The following DGKH variants were observed in gnomAD, a reference collection of about 807,000 sequenced individuals.
DGKH encodes the protein DAG kinase eta.
DGKH carries 90 observed loss-of-function variants against 159.3 expected under a neutral mutation model. The ratio of observed to expected loss-of-function variants is 0.57; its 90% CI spans 0.48 to 0.67. The LOEUF (loss-of-function observed/expected upper bound fraction) is 0.67. Among genes scored for constraint, DGKH ranks in the 30% least tolerant of loss-of-function variants. DGKH has a pLI of 0.00. For missense variants in DGKH, 1,181 were observed against 1,506.1 expected (o/e 0.78, Z 3.57); for synonymous variants, 536 against 553.8 (o/e 0.97, Z 0.45).
intron 3 of DGKH, among the ~76,000 whole-genome samples, chr13:42,142,700 C>G (rs1955600037): frequency 6.6e-6 from 1 of 151,932 alleles, no homozygotes; most frequent in Non-Finnish European, 1.5e-5. Flanking sequence ...CTCTGTTTGT[C>G]TGTTATTGGT....
intron 1 of DGKH, among the ~76,000 whole-genome samples, chr13:42,078,909 CTTTTTT>C (rs55801562): frequency 5.3e-5 from 5 of 93,568 alleles, no homozygotes; most frequent in African/African-American, 1.5e-4. Flanking sequence ...GTATATTCTC[CTTTTTT>C]TTTTTTTTTT....
rs929468948 is a variant in DGKH at position 42,086,126 on chromosome 13, C to G, written c.192+37161C>G. Among the ~76,000 whole-genome samples the G allele has an allele frequency of 3.9e-5, 6 of 152,214 alleles. No homozygotes were observed. The Middle Eastern group carries it at 0.01, about 259-fold the overall frequency. ...AAAGATGGGGTTTCATCATGTTGTCCAGGCTGGGCTTGAACTCCTGACCTC... is the reference window on the plus strand; with the variant it reads ...AAAGATGGGGTTTCATCATGTTGTCGAGGCTGGGCTTGAACTCCTGACCTC... On this transcript the variant is annotated intron_variant, in intron 1 of 29. Coordinates refer to ENST00000337343, the MANE Select transcript of DGKH (RefSeq NM_178009.5).
At chr13:42,162,481 C>A (rs1456648704) in intron 7 of DGKH, among the ~76,000 whole-genome samples, 1 of 151,992 alleles carries the variant, frequency 6.6e-6, no homozygotes, top group African/African-American at 2.4e-5. Context: ...CCATTCCACT[C>A]CAGCCTGGGC....
intron 9 of DGKH, among the ~76,000 whole-genome samples, chr13:42,167,711 G>C (rs1956345838): frequency 6.6e-6 from 1 of 152,030 alleles, no homozygotes; most frequent in East Asian, 1.9e-4. Context: ...TGCCATGCTA[G>C]GGTAGTTTTG....
chr13:42,099,513 G>A (rs917309221), intron 1 of DGKH, among the ~76,000 whole-genome samples: 2 of 152,138 alleles, frequency 1.3e-5, no homozygotes, highest in African/African-American at 2.4e-5. Flanking sequence ...GAGAGAGCAG[G>A]GGGTATTTGG....
rs774007287 is a variant in DGKH at position 42,160,135 on chromosome 13, T to C, written c.854T>C (p.Met285Thr). The C allele has an allele frequency of 6.2e-7, 1 of 1,614,206 alleles. No homozygotes were observed. Among genetic ancestry groups the C allele is most frequent in the South Asian group, 1.1e-5 (1 of 91,084 alleles). The change falls in exon 7 of 30, where the codon ATG becomes ACG. Residue 285 changes from methionine to threonine, a missense_variant and splice_region_variant. Met to Thr is a moderately conservative substitution (Grantham distance 81, BLOSUM62 -1). Coordinates refer to ENST00000337343, the MANE Select transcript of DGKH (RefSeq NM_178009.5). Reference protein sequence around the residue: ...QDWKCLWCKTMVHTACKDLYH... With the variant: ...QDWKCLWCKTTVHTACKDLYH... ...TGGAAATGCCTTTGGTGTAAGACAA[T>C]GGTGAGGGTTTTGGAATCAGTTCAT...
chr13:42,087,235 G>T (rs957437120), intron 1 of DGKH, among the ~76,000 whole-genome samples: 46 of 152,212 alleles, frequency 3.0e-4, no homozygotes, highest in Middle Eastern at 3.4e-3. Flanking sequence ...GGACAGGTTA[G>T]CCTTAGAGTA....
intron 1 of DGKH, among the ~76,000 whole-genome samples, chr13:42,067,427 T>C (rs1413948360): frequency 6.6e-6 from 1 of 152,164 alleles, no homozygotes; most frequent in African/African-American, 2.4e-5. Flanking sequence ...AATTTGAAGA[T>C]AGAACACAGA....
In DGKH at chr13:42,210,773, G is replaced by T; in HGVS notation, c.3014+8G>T. ...AGAGGAGCTCATTACTAGGTAGGGG[G>T]CTCTGCTGACTTTTCAGGCTGTGGG... On this transcript the variant is annotated splice_region_variant and intron_variant, in intron 24 of 29. Transcript: ENST00000337343. The T allele has an allele frequency of 6.2e-7, 1 of 1,604,480 alleles. No individual in the cohort carries two copies. The highest frequency in any genetic ancestry group is 1.3e-5 in the African/African-American group (1 of 74,670).
intron 29 of DGKH, among the ~76,000 whole-genome samples, chr13:42,226,705 A>G (rs1358826944): frequency 1.3e-5 from 2 of 152,000 alleles, no homozygotes; most frequent in Admixed American, 1.3e-4. Flanking sequence ...AATAGAAAAA[A>G]AATTAGCTGA....
Position 42,219,784 on chromosome 13 carries a change from T to A in DGKH, c.3432T>A (p.Ser1144Arg). 4 of 1,613,340 alleles carry A rather than the reference T, an allele frequency of 2.5e-6. No homozygotes were observed. Among genetic ancestry groups the A allele is most frequent in the Non-Finnish European group, 3.4e-6 (4 of 1,179,522 alleles). ...KKEKVQKQKT[S>R]SQPVQKWGTE... ...AAAAGGTTCAGAAGCAGAAGACAAG[T>A]TCACAGCCTGGTAGGTGGTCCATAT... Residue 1144 changes from serine to arginine, a missense_variant, in exon 28 of 30, where the codon AGT becomes AGA. Ser to Arg is a moderately radical substitution (Grantham distance 110). This residue lies in a region of DGKH where 335 missense variants were observed against 495.2 expected (regional missense o/e 0.68). Coordinates refer to ENST00000337343, the MANE Select transcript of DGKH (RefSeq NM_178009.5).
At chr13:42,060,674 G>A (rs1882088942) in intron 1 of DGKH, among the ~76,000 whole-genome samples, 1 of 152,172 alleles carries the variant, frequency 6.6e-6, no homozygotes, top group African/African-American at 2.4e-5. Flanking sequence ...TGGTGATTTA[G>A]AAGTGTATGA....
intron 30 of DGKH, chr13:42,256,179 C>CAGGCA (rs1419578098): frequency 1.6e-6 from 2 of 1,216,880 alleles, no homozygotes; most frequent in African/African-American, 3.0e-5. Context: ...AATCATGTTG[C>CAGGCA]TGTAACAGTT....
chr13:42,040,815 C>T (rs1880447896), intron 1 of DGKH, among the ~76,000 whole-genome samples: 1 of 144,066 alleles, frequency 6.9e-6, no homozygotes, highest in Non-Finnish European at 1.5e-5. Flanking sequence ...CCAGGAGCCC[C>T]GGCGCAGCGG....
chr13:42,129,632 G>A lies in DGKH; in HGVS notation c.384G>A (p.Thr128=). The change falls in exon 3 of 30, where the codon ACG becomes ACA. Residue 128 remains threonine (T), a splice_region_variant and synonymous_variant. Coordinates refer to ENST00000337343, the MANE Select transcript of DGKH (RefSeq NM_178009.5). ...ASTKNANNSF[T]IITPFRRLML... ...CGAAAAATGCTAACAACAGCTTCAC[G>A]GTATGGTTATATTCTGCTAACTCCC... 3.7e-6 allele frequency: 6 copies of A among 1,610,286 alleles called. No individual in the cohort carries two copies. The highest frequency in any genetic ancestry group is 3.3e-5 in the South Asian group (3 of 90,278).
intron 21 of DGKH, among the ~76,000 whole-genome samples, chr13:42,207,719 G>T (rs9590677): frequency 7.4e-6 from 1 of 135,278 alleles, no homozygotes; most frequent in East Asian, 2.1e-4. Flanking sequence ...ATATATATCA[G>T]TAAAAATGAG....
intron 26 of DGKH, among the ~76,000 whole-genome samples, 190 bp downstream of exon 26, chr13:42,215,857 G>A (rs1957777276): frequency 6.6e-6 from 1 of 152,202 alleles, no homozygotes. Context: ...TCATGATTCA[G>A]GCTAACAGGA....
chr13:42,065,162 T>C (rs1882471496), intron 1 of DGKH, among the ~76,000 whole-genome samples: 2 of 152,216 alleles, frequency 1.3e-5, no homozygotes, highest in Admixed American at 6.5e-5. Context: ...AATGAGAAGC[T>C]AGTGAAATCT....
At chr13:42,062,751 T>C (rs1882273133) in intron 1 of DGKH, among the ~76,000 whole-genome samples, 1 of 152,224 alleles carries the variant, frequency 6.6e-6, no homozygotes, top group Admixed American at 6.5e-5. Context: ...TAAGGCAGTT[T>C]TAGTTACGGC....
Sources: allele counts gnomAD v4.1 joint callset (sites outside exome capture counted in the v4.1 genomes callset), GRCh38; gene constraint gnomAD v4.1.1; regional missense constraint gnomAD v4.1.1; transcripts MANE v1.5; gene names NCBI Gene and HGNC (gene_info 2026-07-23, HGNC 2026-07-21).